The following MRAP2 variants were observed in gnomAD, a reference collection of about 807,000 sequenced individuals.
MRAP2 encodes melanocortin-2 receptor accessory protein 2.
A neutral mutation model predicts 17.4 loss-of-function variants in MRAP2; 20 were observed. The ratio of observed to expected loss-of-function variants is 1.15; its 90% CI spans 0.81 to 1.67. MRAP2 has a LOEUF of 1.67. MRAP2 is among the 40% of genes most tolerant of loss of function. The probability of loss-of-function intolerance (pLI) is 0.00; values close to 1 mark genes in which losing one functional copy is unlikely to be tolerated. For synonymous variants in MRAP2, 96 were observed against 88.4 expected (o/e 1.09, Z -0.48); for missense variants, 238 against 240.0 (o/e 0.99, Z 0.05).
At chr6:84,145,014 T>A in the MRAP2 span, among the ~76,000 whole-genome samples, 1 of 152,138 alleles carries the variant, frequency 6.6e-6, no homozygotes, top group Non-Finnish European at 1.5e-5. Context: ...TATCAAGGCT[T>A]TGATTGGAAT....
chr6:84,127,458 A>T, the MRAP2 span, among the ~76,000 whole-genome samples: 1,002 of 152,196 alleles, frequency 6.6e-3, 7 homozygotes, highest in African/African-American at 0.023. Flanking sequence ...AAAGAACTAT[A>T]CAGACTATAA....
the MRAP2 span, among the ~76,000 whole-genome samples, chr6:84,102,953 A>G: frequency 6.6e-6 from 1 of 152,208 alleles, no homozygotes; most frequent in Non-Finnish European, 1.5e-5. Flanking sequence ...AAAATCAAGA[A>G]GTAAAATGAT....
the MRAP2 span, chr6:84,125,231 CTTT>C: frequency 1.2e-6 from 2 of 1,613,480 alleles, no homozygotes; most frequent in East Asian, 4.5e-5. Context: ...TTTTCAACTT[CTTT>C]GTTTTGCTCA....
At chr6:84,070,167 C>T (rs534116953) in intron 3 of MRAP2, among the ~76,000 whole-genome samples, 1 of 151,934 alleles carries the variant, frequency 6.6e-6, no homozygotes, top group African/African-American at 2.4e-5. Context: ...TTCTCTAGTT[C>T]CTTGAGATGT....
chr6:84,143,692 GTTTAT>G, the MRAP2 span, among the ~76,000 whole-genome samples: 21 of 151,952 alleles, frequency 1.4e-4, no homozygotes, highest in South Asian at 2.1e-4. Context: ...AACAGAATAT[GTTTAT>G]TTTAAGAGTT....
chr6:84,089,771 G>A lies in MRAP2; in HGVS notation c.*290G>A, dbSNP rs1199562570. On this transcript the variant is annotated 3_prime_UTR_variant, in exon 4 of 4. Coordinates refer to ENST00000257776, the MANE Select transcript of MRAP2 (RefSeq NM_138409.4). Reference sequence around the variant, plus strand: ...TGTGTCCCAGGACAGCTTTGAATGTGGCCCAATACAAATTTTAAACTTTAT... The same window carrying A: ...TGTGTCCCAGGACAGCTTTGAATGTAGCCCAATACAAATTTTAAACTTTAT... The A allele has an allele frequency of 9.2e-6, 3 of 326,562 alleles. No individual in the cohort carries two copies. The highest frequency in any genetic ancestry group is 4.8e-5 in the East Asian group (1 of 20,714). 20.2% of individuals were successfully genotyped at this position (326,562 alleles called of 1,614,324 possible).
the MRAP2 span, among the ~76,000 whole-genome samples, chr6:84,113,220 G>A: frequency 1.3e-5 from 2 of 152,176 alleles, no homozygotes; most frequent in Non-Finnish European, 2.9e-5. Flanking sequence ...TTGTGTGGGA[G>A]TCTAAGTCTC....
chr6:84,065,433 A>G (rs2099494426), intron 3 of MRAP2, among the ~76,000 whole-genome samples: 1 of 152,206 alleles, frequency 6.6e-6, no homozygotes, highest in Non-Finnish European at 1.5e-5. Flanking sequence ...GTCATTGTAA[A>G]TATTCGCACA....
rs971726464 is a variant in MRAP2 at position 84,070,511 on chromosome 6, A to G, written c.227+7519A>G. On this transcript the variant is annotated intron_variant, in intron 3 of 3. Transcript: ENST00000257776. ...TTTATTGAGGCTTGTCTTATGGCCTATCATAAGATCTATGTTGGAGAAAGT... is the reference window on the plus strand; with the variant it reads ...TTTATTGAGGCTTGTCTTATGGCCTGTCATAAGATCTATGTTGGAGAAAGT... 4.6e-5 allele frequency among the ~76,000 whole-genome samples: 7 copies of G among 152,212 alleles called. No individual in the cohort carries two copies. In the South Asian group the frequency reaches 8.3e-4, roughly 18 times the overall value.
the MRAP2 span, among the ~76,000 whole-genome samples, chr6:84,101,918 T>C: frequency 0.023 from 3,562 of 152,262 alleles, 141 homozygotes; most frequent in African/African-American, 0.081. Context: ...TTCATCATCA[T>C]GGAATTAATT....
the MRAP2 span, among the ~76,000 whole-genome samples, chr6:84,137,038 A>T: frequency 6.6e-6 from 1 of 152,228 alleles, no homozygotes; most frequent in Non-Finnish European, 1.5e-5. Context: ...AAGGATTAGT[A>T]TAAGAGATAT....
chr6:84,059,264 C>T (rs2099492471), intron 2 of MRAP2, among the ~76,000 whole-genome samples: 1 of 152,146 alleles, frequency 6.6e-6, no homozygotes, highest in Non-Finnish European at 1.5e-5. Context: ...ATGGATGGGT[C>T]AGCAAGAAGC....
At chr6:84,055,276 A>C (rs763518281) in intron 1 of MRAP2, 36 bp from the exon 2 acceptor site, 1 of 1,586,924 alleles carries the variant, frequency 6.3e-7, no homozygotes, top group Non-Finnish European at 8.5e-7. Flanking sequence ...TGGATGAATT[A>C]ACAGGTTCTG....
At chr6:84,035,659 T>C (rs527727875) in intron 1 of MRAP2, among the ~76,000 whole-genome samples, 1 of 152,338 alleles carries the variant, frequency 6.6e-6, no homozygotes, top group African/African-American at 2.4e-5. Flanking sequence ...TGCCTCTGCG[T>C]GAGTGTTCAT....
At position 84,061,989 on chromosome 6, in the gene MRAP2, G is replaced by T. The variant is rs191074555; in HGVS notation, c.128-904G>T. On this transcript the variant is annotated intron_variant, in intron 2 of 3. Coordinates refer to ENST00000257776, the MANE Select transcript of MRAP2 (RefSeq NM_138409.4). ...AATAAAGCACAGGGAAAGGCAGAAG[G>T]CAGAGAGAGCACTCAAGAGGCCATC... The T allele has an allele frequency of 1.3e-3, 1,309 of 985,374 alleles. 15 individuals carry two copies. The African/African-American group carries it at 0.022, about 16-fold the overall frequency. 61.0% of individuals were successfully genotyped at this position (985,374 alleles called of 1,614,324 possible).
At chr6:84,036,496 T>G (rs2129155716) in intron 1 of MRAP2, among the ~76,000 whole-genome samples, 1 of 152,102 alleles carries the variant, frequency 6.6e-6, no homozygotes, top group Admixed American at 6.5e-5. Flanking sequence ...CGGACGTGTT[T>G]GGAGTTTCTT....
rs1227745554 is a variant in MRAP2, at chr6:84,089,383, C to T, written c.520C>T (p.Gln174Ter). The change falls in exon 4 of 4, where the codon CAG (glutamine) becomes TAG (stop). Residue 174 changes from glutamine to a stop codon, truncating the protein, a stop_gained. Transcript: ENST00000257776. LOFTEE classifies it high-confidence loss of function. The stretch of plus-strand genomic sequence containing the variant: ...CATCCCCAACTTTGTGAACACAGAC[C>T]AGAACTACTTTGGGGAGGATGATCT... ...FDIPNFVNTD[Q>*]NYFGEDDLLI... is the part of the protein sequence containing the mutation. 58 of 1,614,048 alleles carry T rather than the reference C, an allele frequency of 3.6e-5. No individual in the cohort carries two copies. Among genetic ancestry groups the T allele is most frequent in the Non-Finnish European group, 4.7e-5 (55 of 1,180,052 alleles).
At chr6:84,047,505 A>AG (rs2099489351) in intron 1 of MRAP2, among the ~76,000 whole-genome samples, 1 of 151,938 alleles carries the variant, frequency 6.6e-6, no homozygotes, top group Non-Finnish European at 1.5e-5. Context: ...AAAAAAAAAA[A>AG]CTATAAACAA....
chr6:84,058,645 A>C (rs1182952037), intron 2 of MRAP2, among the ~76,000 whole-genome samples: 1 of 152,240 alleles, frequency 6.6e-6, no homozygotes, highest in Admixed American at 6.5e-5. Flanking sequence ...GAGTGTAGAC[A>C]GAAAACTGAA....
Sources: gnomAD v4.1 joint callset for allele counts (sites outside exome capture counted in the v4.1 genomes callset) on GRCh38, gnomAD v4.1.1 for gene constraint, MANE v1.5 for transcripts, NCBI Gene and HGNC (gene_info 2026-07-23, HGNC 2026-07-21) for gene names.